IL23R: variants seen among roughly 807,000 people sequenced by gnomAD.
IL23R encodes interleukin-23 receptor.
A neutral mutation model predicts 56.9 loss-of-function variants in IL23R; 34 were observed. That is an observed-to-expected ratio of 0.60 (90% CI 0.45 to 0.80). IL23R has a LOEUF of 0.80. Ranked by LOEUF, IL23R falls within the 30% of genes least tolerant of loss-of-function variation. IL23R has a pLI of 0.00. For synonymous variants in IL23R, 230 were observed against 249.2 expected (o/e 0.92, Z 0.73); for missense variants, 635 against 730.0 (o/e 0.87, Z 1.50).
At chr1:67,262,392 G>A (rs905020096), downstream of IL23R, among the ~76,000 whole-genome samples, 1 of 152,156 alleles carries the variant, frequency 6.6e-6, no homozygotes, top group African/African-American at 2.4e-5. Context: ...GTCTAGAGAG[G>A]TAAAATGGGA....
chr1:67,183,082 A>G (rs1466962751), intron 4 of IL23R, 123 bp downstream of exon 4: 1 of 1,122,110 alleles, frequency 8.9e-7, no homozygotes, highest in East Asian at 2.6e-5. Context: ...TTTATCCCTT[A>G]TTTCCTACTT....
chr1:67,216,136 G>T (rs886064755), intron 6 of IL23R, among the ~76,000 whole-genome samples: 1 of 152,004 alleles, frequency 6.6e-6, no homozygotes, highest in Non-Finnish European at 1.5e-5. Flanking sequence ...AGTTGCGAAC[G>T]GCAATCCACA....
chr1:67,149,528 T>C (rs1646710122), intron 1 of IL23R, among the ~76,000 whole-genome samples: 1 of 152,122 alleles, frequency 6.6e-6, no homozygotes, highest in African/African-American at 2.4e-5. Flanking sequence ...TCATTCACGT[T>C]TGTATTTCCC....
At chr1:67,198,785 A>T (rs1284110211) in intron 4 of IL23R, among the ~76,000 whole-genome samples, 1 of 152,192 alleles carries the variant, frequency 6.6e-6, no homozygotes, top group African/African-American at 2.4e-5. Flanking sequence ...TGTCTACACA[A>T]AATACAAAAA....
At chr1:67,175,605 C>T (rs940021810) in intron 3 of IL23R, among the ~76,000 whole-genome samples, 1 of 152,160 alleles carries the variant, frequency 6.6e-6, no homozygotes, top group Non-Finnish European at 1.5e-5. Context: ...TAGGGTCTGT[C>T]TTACTTCGCT....
chr1:67,222,102 C>CTTTCTTTTTTTTTTTT (rs1440089182), intron 7 of IL23R, among the ~76,000 whole-genome samples: 3 of 58,896 alleles, frequency 5.1e-5, no homozygotes, highest in African/African-American at 1.9e-4. Flanking sequence ...TTCTTTCTTT[C>CTTTCTTTTTTTTTTTT]TTTTTTTTTT....
intron 3 of IL23R, among the ~76,000 whole-genome samples, chr1:67,178,545 A>G (rs1285077057): frequency 6.6e-6 from 1 of 152,246 alleles, no homozygotes. Flanking sequence ...TTCTAGATAT[A>G]CAATCATGTC....
intron 1 of IL23R, among the ~76,000 whole-genome samples, chr1:67,148,917 C>T (rs1464100299): frequency 6.6e-6 from 1 of 152,162 alleles, no homozygotes; most frequent in African/African-American, 2.4e-5. Context: ...CTAAGACCCA[C>T]TATTCCACTA....
At chr1:67,254,740 G>T (rs780600161) in intron 9 of IL23R, among the ~76,000 whole-genome samples, 24 of 152,232 alleles carry the variant, frequency 1.6e-4, no homozygotes, top group Admixed American at 3.9e-4. Context: ...TATGTAAAAA[G>T]GTGTCTGAGA....
intron 8 of IL23R, among the ~76,000 whole-genome samples, chr1:67,239,424 C>T (rs554490739): frequency 1.3e-5 from 2 of 152,068 alleles, no homozygotes; most frequent in Non-Finnish European, 2.9e-5. Context: ...CCACCACACC[C>T]GGCTAATTTT....
At chr1:67,180,946 C>A (rs898680547) in intron 3 of IL23R, among the ~76,000 whole-genome samples, 9 of 152,180 alleles carry the variant, frequency 5.9e-5, no homozygotes, top group Non-Finnish European at 1.2e-4. Context: ...TGAATATTGA[C>A]CTCCACTCTC....
At chr1:67,260,601 C>A (rs1653173162), downstream of IL23R, among the ~76,000 whole-genome samples, 1 of 152,048 alleles carries the variant, frequency 6.6e-6, no homozygotes, top group South Asian at 2.1e-4. Context: ...AATCTATCTA[C>A]CAATGATGTC....
At chr1:67,183,023 C>G in intron 4 of IL23R, 64 bp downstream of exon 4, 2 of 1,580,098 alleles carry the variant, frequency 1.3e-6, no homozygotes, top group Non-Finnish European at 1.7e-6. Context: ...AGCTCTGCCT[C>G]CAGCAGAGAT....
At chr1:67,187,448 T>G (rs538244860) in intron 4 of IL23R, among the ~76,000 whole-genome samples, 2 of 152,368 alleles carry the variant, frequency 1.3e-5, no homozygotes, top group South Asian at 4.1e-4. Flanking sequence ...AAAAATATTT[T>G]CTGAATATTT....
downstream of IL23R, among the ~76,000 whole-genome samples, chr1:67,260,672 C>A (rs1015211527): frequency 5.3e-5 from 8 of 152,090 alleles, no homozygotes; most frequent in African/African-American, 1.9e-4. Context: ...AGAAATGTTA[C>A]CCAGCAGACT....
intron 5 of IL23R, among the ~76,000 whole-genome samples, chr1:67,203,105 A>AAAT (rs979151418): frequency 6.6e-6 from 1 of 152,044 alleles, no homozygotes; most frequent in Admixed American, 6.6e-5. Context: ...TTTAGGAACT[A>AAAT]AATAATAATA....
chr1:67,203,053 T>A (rs1260508433), intron 5 of IL23R, among the ~76,000 whole-genome samples: 1 of 152,138 alleles, frequency 6.6e-6, no homozygotes, highest in Admixed American at 6.5e-5. Flanking sequence ...ATTAATGATG[T>A]TTAAGAGCTA....
At position 67,184,264 on chromosome 1, in the gene IL23R, G is replaced by A. The variant is rs537777262; in HGVS notation, c.491+1305G>A. Among the ~76,000 whole-genome samples the A allele has an allele frequency of 1.1e-4, 17 of 150,844 alleles. No homozygotes were observed. The South Asian group carries it at 2.7e-3, about 24-fold the overall frequency. On this transcript the variant is annotated intron_variant, in intron 4 of 10. Coordinates refer to ENST00000347310, the MANE Select transcript of IL23R (RefSeq NM_144701.3). ...ATAATAATAAATAAAATAAGATGCC[G>A]GCTGGGCGCGGTGGCTCCCGCCTGT...
chr1:67,184,577 TAAAATA>T, intron 4 of IL23R, among the ~76,000 whole-genome samples: 1 of 9,458 alleles, frequency 1.1e-4, no homozygotes, highest in Non-Finnish European at 2.0e-4. Context: ...ATAAATAAAA[TAAAATA>T]AAATAAAATA....
Sources: allele counts gnomAD v4.1 joint callset (sites outside exome capture counted in the v4.1 genomes callset), GRCh38; gene constraint gnomAD v4.1.1; transcripts MANE v1.5; gene names NCBI Gene and HGNC (gene_info 2026-07-23, HGNC 2026-07-21).